The following LAS1L variants were observed in gnomAD, a reference collection of about 807,000 sequenced individuals.
LAS1L encodes ribosomal biogenesis protein LAS1L.
LAS1L carries 5 observed loss-of-function variants against 57.3 expected under a neutral mutation model. The ratio of observed to expected loss-of-function variants is 0.09; its 90% CI spans 0.05 to 0.18. The LOEUF is 0.18. Ranked by LOEUF, LAS1L falls within the 10% of genes least tolerant of loss-of-function variation. The pLI, the probability that LAS1L is intolerant of heterozygous loss-of-function variation, is 1.00. For synonymous variants in LAS1L, 245 were observed against 231.7 expected, an observed-to-expected ratio of 1.06 and a Z score of -0.52; for missense variants, 360 against 568.3, an observed-to-expected ratio of 0.63 and a Z score of 3.73.
At chrX:65,527,592 G>A (rs1347718037) in intron 7 of LAS1L, among the ~76,000 whole-genome samples, 1 of 107,931 alleles carries the variant, frequency 9.3e-6, no homozygotes, top group Non-Finnish European at 1.9e-5. Flanking sequence ...CAGCACTTTC[G>A]GAGGTCCAGA....
intron 12 of LAS1L, among the ~76,000 whole-genome samples, chrX:65,516,814 CA>C (rs1404857802): frequency 2.0e-4 from 22 of 111,285 alleles, no homozygotes; most frequent in African/African-American, 6.8e-4. Flanking sequence ...TACACACACA[CA>C]CAGAGAGACA....
Position 65,514,620 on chromosome X carries a change from C to T in LAS1L, c.2078+203G>A, listed in dbSNP as rs148791671. ...AATCTGAGAGGGATGCCAAGCCCAG[C>T]TGTGTGTGGCTACTTCACTGGCTCC... On this transcript the variant is annotated intron_variant, in intron 13 of 13. Transcript: ENST00000374811. Among the ~76,000 whole-genome samples, 16 of 109,337 alleles carry T rather than the reference C, an allele frequency of 1.5e-4. 1 individual carries two copies. In the East Asian group the frequency reaches 4.6e-3, roughly 32 times the overall value. The allele number at this position is 109,337 out of a possible 115,157, so 94.9% of individuals were successfully genotyped here.
rs190690965 is a variant in LAS1L at position 65,518,818 on chromosome X, A to C, written c.1449-353T>G. On this transcript the variant is annotated intron_variant, in intron 11 of 13. Coordinates refer to ENST00000374811, the MANE Select transcript of LAS1L (RefSeq NM_031206.7). ...CTATTAGTCTGCACTTAAAAGCTACATAAATGCACAAAACAGCCAACAGGC... is the reference window on the plus strand; with the variant it reads ...CTATTAGTCTGCACTTAAAAGCTACCTAAATGCACAAAACAGCCAACAGGC... 11 of 753,415 alleles carry C rather than the reference A, an allele frequency of 1.5e-5. No individual in the cohort carries two copies. The Admixed American group carries it at 9.5e-4, about 65-fold the overall frequency. 62.1% of individuals were successfully genotyped at this position (753,415 alleles called of 1,213,427 possible).
In LAS1L at chrX:65,524,101, T is replaced by C. The variant is rs1569438142; in HGVS notation, c.1255A>G (p.Ile419Val). ...LGISGIRPTYILRWTVELIVA... is the reference protein window; with the variant it reads ...LGISGIRPTYVLRWTVELIVA... ...ATCAGTTCAACGGTCCATCTGAGGA[T>C]GTAGGTAGGCCGGATCCCGCTGATC... Residue 419 changes from isoleucine to valine, a missense_variant, in exon 10 of 14, where the codon ATC becomes GTC. By Grantham distance (29) the Ile-to-Val change is conservative. This residue lies in a region of LAS1L where 81 missense variants were observed against 192.1 expected (regional missense o/e 0.42). Coordinates refer to ENST00000374811, the MANE Select transcript of LAS1L (RefSeq NM_031206.7). 8.3e-7 allele frequency: 1 copy of C among 1,210,835 alleles called. No homozygotes were observed. The highest frequency in any genetic ancestry group is 1.1e-6 in the Non-Finnish European group (1 of 895,104).
intron 11 of LAS1L, among the ~76,000 whole-genome samples, chrX:65,519,517 C>CA (rs2068767655): frequency 8.9e-6 from 1 of 111,782 alleles, no homozygotes; most frequent in Non-Finnish European, 1.9e-5. Flanking sequence ...GACACACAGA[C>CA]AGACAGAGAG....
In LAS1L at chrX:65,529,769, T is replaced by A; in HGVS notation, c.624A>T (p.Glu208Asp). The change falls in exon 5 of 14, where the codon GAA (glutamate) becomes GAT (aspartate). Residue 208 changes from glutamate (E) to aspartate (D), a missense_variant. Glu to Asp is a conservative substitution (Grantham distance 45). This residue lies in a region of LAS1L where 51 missense variants were observed against 43.1 expected (regional missense o/e 1.18). Transcript: ENST00000374811. ...TGTTCTTATCTTCCTCTTGATCCTC[T>A]TCCTCTATCCCTTCCCTGAACTCCT... ...ELEEFREGIE[E>D]EDQEEDKNIV... 8.3e-7 allele frequency: 1 copy of A among 1,211,857 alleles called. No homozygotes were observed. The highest frequency in any genetic ancestry group is 1.1e-6 in the Non-Finnish European group (1 of 895,417).
At chrX:65,513,849 GT>G (rs2068530285) in intron 13 of LAS1L, among the ~76,000 whole-genome samples, 1 of 112,234 alleles carries the variant, frequency 8.9e-6, no homozygotes, top group South Asian at 3.7e-4. Flanking sequence ...GGAAGGAGGG[GT>G]AAGGGCACCT....
chrX:65,531,487 A>C, intron 3 of LAS1L, 49 bp from the exon 4 acceptor site: 1 of 926,769 alleles, frequency 1.1e-6, no homozygotes, highest in Non-Finnish European at 1.6e-6. Context: ...ATAATTATTA[A>C]AGCTGGAAGG....
chrX:65,513,348 C>T (rs1314074955), intron 13 of LAS1L, among the ~76,000 whole-genome samples: 2 of 111,824 alleles, frequency 1.8e-5, no homozygotes, highest in Non-Finnish European at 3.8e-5. Flanking sequence ...AGACTAGGCC[C>T]ACGATTGCAA....
intron 11 of LAS1L, 92 bp downstream of exon 11, chrX:65,523,468 A>C: frequency 1.1e-6 from 1 of 937,402 alleles, no homozygotes; most frequent in Non-Finnish European, 1.4e-6. Context: ...ACTGTCCCCA[A>C]AGGGCCCTTC....
chrX:65,523,495 G>A, intron 11 of LAS1L, 65 bp downstream of exon 11: 1 of 1,063,296 alleles, frequency 9.4e-7, no homozygotes, highest in Non-Finnish European at 1.2e-6. Flanking sequence ...AGTCATTCTA[G>A]GGCAGTGTGG....
chrX:65,515,348 A>C (rs1303142779), intron 12 of LAS1L, among the ~76,000 whole-genome samples: 1 of 110,488 alleles, frequency 9.1e-6, no homozygotes, highest in Non-Finnish European at 1.9e-5. Flanking sequence ...CTGTCTGTAG[A>C]CACACACACA....
chrX:65,523,198 T>C (rs185572661), intron 11 of LAS1L: 338 of 144,137 alleles, frequency 2.3e-3, no homozygotes, highest in African/African-American at 9.3e-3. Context: ...AGGTATACTT[T>C]GGAAAGATAA....
At chrX:65,520,173 T>C (rs1315204874) in intron 11 of LAS1L, among the ~76,000 whole-genome samples, 11 of 111,754 alleles carry the variant, frequency 9.8e-5, no homozygotes, top group Non-Finnish European at 1.5e-4. Context: ...TGTCTGGTCA[T>C]AGCTCAGGAC....
At chrX:65,520,723 C>T (rs2068815250) in intron 11 of LAS1L, 12 of 754,270 alleles carry the variant, frequency 1.6e-5, no homozygotes, top group Non-Finnish European at 1.9e-5. Context: ...GCTGTTACTG[C>T]CGGCATGTGT....
chrX:65,534,358 G>A (rs183294112), intron 1 of LAS1L, 122 bp downstream of exon 1: 1 of 510,239 alleles, frequency 2.0e-6, no homozygotes, highest in East Asian at 3.7e-5. Context: ...AGGCATTTGG[G>A]AGAGGGACAA....
Position 65,512,742 on chromosome X carries a change from C to T in LAS1L, c.*33G>A, listed in dbSNP as rs1355366869. On this transcript the variant is annotated 3_prime_UTR_variant, in exon 14 of 14. Coordinates refer to ENST00000374811, the MANE Select transcript of LAS1L (RefSeq NM_031206.7). ...TAGGGGGTGGGCTGTTGCCCTGGCACGGCTGGATGAACACTTGCACCAGGG... is the reference window on the plus strand; with the variant it reads ...TAGGGGGTGGGCTGTTGCCCTGGCATGGCTGGATGAACACTTGCACCAGGG... 5 of 1,152,676 alleles carry T rather than the reference C, an allele frequency of 4.3e-6. No individual in the cohort carries two copies. The highest frequency in any genetic ancestry group is 2.6e-5 in the Admixed American group (1 of 38,257). The allele number at this position is 1,152,676 out of a possible 1,213,427, so 95.0% of individuals were successfully genotyped here. A position where few individuals can be genotyped will look rare whatever the true frequency, so the allele number is the denominator to read the frequency against.
At position 65,518,644 on chromosome X, in the gene LAS1L, T is replaced by C; in HGVS notation, c.1449-179A>G. On this transcript the variant is annotated intron_variant, in intron 11 of 13. Coordinates refer to ENST00000374811, the MANE Select transcript of LAS1L (RefSeq NM_031206.7). ...ATGGACCCAGAACAAACTCTGTGGTTCATCTCTGTGCCTCACTTCCATTCT... is the reference window on the plus strand; with the variant it reads ...ATGGACCCAGAACAAACTCTGTGGTCCATCTCTGTGCCTCACTTCCATTCT... 2 of 502,554 alleles carry C rather than the reference T, an allele frequency of 4.0e-6. 1 individual carries two copies. The highest frequency in any genetic ancestry group is 5.1e-5 in the African/African-American group (2 of 39,160). The allele number at this position is 502,554 out of a possible 1,213,427, so 41.4% of individuals were successfully genotyped here.
At position 65,518,081 on chromosome X, in the gene LAS1L, G is replaced by A. The variant is rs1462511993; in HGVS notation, c.1833C>T (p.Phe611=). The A allele has an allele frequency of 4.1e-6, 5 of 1,211,162 alleles. No individual in the cohort carries two copies. In the Admixed American group the frequency reaches 6.5e-5, roughly 16 times the overall value. Residue 611 remains phenylalanine, a synonymous_variant, in exon 12 of 14, where the codon TTC becomes TTT. Transcript: ENST00000374811. ...CAGTGGGGGACTCTTGCCCTGTAGAGAAAGGCCCCACCTCCATTCTGTCTT... is the reference window on the plus strand; with the variant it reads ...CAGTGGGGGACTCTTGCCCTGTAGAAAAAGGCCCCACCTCCATTCTGTCTT... The part of the protein sequence containing the change: ...EEEDRMEVGP[F]STGQESPTAE...
Sources: allele counts gnomAD v4.1 joint callset (sites outside exome capture counted in the v4.1 genomes callset), GRCh38; gene constraint gnomAD v4.1.1; regional missense constraint gnomAD v4.1.1; transcripts MANE v1.5; gene names NCBI Gene and HGNC (gene_info 2026-07-23, HGNC 2026-07-21).